GBF1: variants seen among roughly 807,000 people sequenced by gnomAD.
GBF1 encodes Golgi-specific brefeldin A-resistance guanine nucleotide exchange factor 1.
A neutral mutation model predicts 210.5 loss-of-function variants in GBF1; 114 were observed. The observed-to-expected ratio is 0.54, with a 90% CI of 0.47 to 0.63. The LOEUF (loss-of-function observed/expected upper bound fraction) is 0.63. Among genes scored for constraint, GBF1 ranks in the 30% least tolerant of loss-of-function variants. The probability of loss-of-function intolerance (pLI) is 0.00; values close to 1 mark genes in which losing one functional copy is unlikely to be tolerated. For missense variants in GBF1, 1,851 were observed against 2,357.7 expected (o/e 0.79, Z 4.45); for synonymous variants, 850 against 889.2 (o/e 0.96, Z 0.78).
chr10:102,267,287 T>G (rs1265306415), intron 3 of GBF1, among the ~76,000 whole-genome samples: 1 of 152,172 alleles, frequency 6.6e-6, no homozygotes, highest in Non-Finnish European at 1.5e-5. Context: ...GGTGGATGAC[T>G]TGAGGTCAGC....
chr10:102,266,481 C>T (rs1285777347), intron 3 of GBF1, among the ~76,000 whole-genome samples: 1 of 152,174 alleles, frequency 6.6e-6, no homozygotes, highest in African/African-American at 2.4e-5. Flanking sequence ...TTCCTGCCCT[C>T]ATAGCCACTG....
intron 3 of GBF1, among the ~76,000 whole-genome samples, chr10:102,296,922 A>G (rs181650389): frequency 3.3e-5 from 5 of 151,230 alleles, no homozygotes; most frequent in Admixed American, 1.3e-4. Context: ...GCGCGTGCCT[A>G]TAATTCCAGC....
intron 3 of GBF1, among the ~76,000 whole-genome samples, chr10:102,279,856 G>T (rs772893973): frequency 6.6e-6 from 1 of 152,144 alleles, no homozygotes; most frequent in Non-Finnish European, 1.5e-5. Flanking sequence ...AGTGGCTTAC[G>T]CCTGTAATGA....
In GBF1 at chr10:102,361,905, T is replaced by C. The variant is rs1245715969; in HGVS notation, c.1679T>C (p.Leu560Pro). The change falls in exon 14 of 40, where the codon CTG (leucine) becomes CCG (proline). Residue 560 changes from leucine (L) to proline (P), a missense_variant. Transcript: ENST00000369983. ...CTCTTTGAGGAACTCACAAAGCTGC[T>C]GTCCAAGGTGCTGAGCACTATAACT... Reference protein sequence around the residue: ...SNLFEELTKLLSKNAFPVSGQ... With the variant: ...SNLFEELTKLPSKNAFPVSGQ... 1.3e-6 allele frequency: 2 copies of C among 1,599,746 alleles called. No individual in the cohort carries two copies. The highest frequency in any genetic ancestry group is 2.2e-5 in the South Asian group (2 of 89,100).
At chr10:102,357,451 C>T (rs1397140522) in intron 8 of GBF1, among the ~76,000 whole-genome samples, 1 of 150,284 alleles carries the variant, frequency 6.7e-6, no homozygotes, top group Non-Finnish European at 1.5e-5. Context: ...CGTGCCACTG[C>T]ACTCCAGCCT....
intron 3 of GBF1, among the ~76,000 whole-genome samples, chr10:102,311,060 A>G (rs1387482115): frequency 6.6e-6 from 1 of 152,196 alleles, no homozygotes; most frequent in African/African-American, 2.4e-5. Flanking sequence ...ACAGTGATAT[A>G]ACACAAGTAC....
chr10:102,320,244 T>A (rs2056275221), intron 3 of GBF1, among the ~76,000 whole-genome samples: 1 of 152,182 alleles, frequency 6.6e-6, no homozygotes, highest in Non-Finnish European at 1.5e-5. Flanking sequence ...ATGGCTCTGC[T>A]TCTTTTTCTT....
chr10:102,324,232 C>G (rs1210285924), intron 3 of GBF1, among the ~76,000 whole-genome samples: 1 of 152,152 alleles, frequency 6.6e-6, no homozygotes, highest in African/African-American at 2.4e-5. Context: ...CGGGGCAGGG[C>G]TAGAGTCTTT....
intron 14 of GBF1, among the ~76,000 whole-genome samples, chr10:102,362,214 G>T (rs1228550643): frequency 6.6e-6 from 1 of 151,206 alleles, no homozygotes; most frequent in East Asian, 1.9e-4. Flanking sequence ...CCACCACCAC[G>T]CCCGGCTAAT....
In GBF1 at chr10:102,363,813, TC is replaced by T; in HGVS notation, c.2106+19del. The T allele has an allele frequency of 1.4e-6, 2 of 1,441,148 alleles. No individual in the cohort carries two copies. Among genetic ancestry groups the T allele is most frequent in the Non-Finnish European group, 2.0e-6 (2 of 1,023,010 alleles). 89.3% of individuals were successfully genotyped at this position (1,441,148 alleles called of 1,614,324 possible). On this transcript the variant is annotated intron_variant, in intron 17 of 39. Transcript: ENST00000369983. This position sits in a 1 kb window ranked among gnomAD's most constrained non-coding sequence, Gnocchi z 4.2. ...ACAAAAAGAAGGTACATACATGTAT[TC>T]CCCAGCCTCTGTCCACCTCTGTCTG... is the stretch of plus-strand genomic sequence containing the variant.
At chr10:102,381,321 A>G (rs866556316) in intron 39 of GBF1, 66 bp downstream of exon 39, 2 of 1,539,978 alleles carry the variant, frequency 1.3e-6, no homozygotes, top group African/African-American at 1.4e-5. Flanking sequence ...AGGAGGCCCA[A>G]GGGGGCGTGG....
At chr10:102,289,463 G>A (rs761543789) in intron 3 of GBF1, among the ~76,000 whole-genome samples, 1 of 152,156 alleles carries the variant, frequency 6.6e-6, no homozygotes, top group East Asian at 1.9e-4. Flanking sequence ...GGTGGCATGC[G>A]CCTGTAATCC....
At chr10:102,251,341 A>T (rs1300334107) in intron 1 of GBF1, among the ~76,000 whole-genome samples, 1 of 151,994 alleles carries the variant, frequency 6.6e-6, no homozygotes, top group African/African-American at 2.4e-5. Context: ...CATGAGGTGG[A>T]TGTGTGCTGT....
In GBF1 at chr10:102,367,110, A is replaced by G. The variant is rs752999109; in HGVS notation, c.2459A>G (p.Asn820Ser). 7 of 1,614,040 alleles carry G rather than the reference A, an allele frequency of 4.3e-6. No individual in the cohort carries two copies. Among genetic ancestry groups the G allele is most frequent in the African/African-American group, 1.3e-5 (1 of 74,912 alleles). The change falls in exon 20 of 40, where the codon AAT becomes AGT. Residue 820 changes from asparagine to serine, a missense_variant. Physicochemically the swap from Asn to Ser is conservative, Grantham distance 46. This residue lies in a region of GBF1 where 80 missense variants were observed against 151.4 expected (regional missense o/e 0.53). Coordinates refer to ENST00000369983, the MANE Select transcript of GBF1 (RefSeq NM_001377137.1). ...AATTGTAATGGCTCCCCATTTGCCA[A>G]TAGCGATGCCTGCTTTTCCCTGGCC... ...WMNCNGSPFA[N>S]SDACFSLAYA...
chr10:102,287,200 G>A (rs1450486914), intron 3 of GBF1, among the ~76,000 whole-genome samples: 1 of 151,834 alleles, frequency 6.6e-6, no homozygotes, highest in Admixed American at 6.6e-5. Flanking sequence ...ATGTTATTAT[G>A]TTATCGATTG....
At chr10:102,301,714 G>A (rs1411060368) in intron 3 of GBF1, among the ~76,000 whole-genome samples, 11 of 151,828 alleles carry the variant, frequency 7.2e-5, no homozygotes, top group Admixed American at 2.6e-4. Context: ...ATGGGCGGCT[G>A]GGCAGAGACG....
intron 4 of GBF1, among the ~76,000 whole-genome samples, chr10:102,348,552 G>A (rs543603553): frequency 6.6e-6 from 1 of 152,234 alleles, no homozygotes; most frequent in African/African-American, 2.4e-5. Flanking sequence ...TGGTGGCCTG[G>A]GTAGGGACTG....
Position 102,352,246 on chromosome 10 carries a change from A to G in GBF1, c.524-212A>G, listed in dbSNP as rs552233587. 1.3e-4 allele frequency among the ~76,000 whole-genome samples: 20 copies of G among 152,276 alleles called. No individual in the cohort carries two copies. In the South Asian group the frequency reaches 4.1e-3, roughly 32 times the overall value. On this transcript the variant is annotated intron_variant, in intron 6 of 39. Coordinates refer to ENST00000369983, the MANE Select transcript of GBF1 (RefSeq NM_001377137.1). ...TTGACACCAACCTGCAACCCCCTAG[A>G]ACACATCTATACCTCCCCTTTTTTC...
Position 102,382,603 on chromosome 10 carries a change from C to T in GBF1, c.*267C>T, listed in dbSNP as rs989605310. On this transcript the variant is annotated 3_prime_UTR_variant, in exon 40 of 40. Coordinates refer to ENST00000369983, the MANE Select transcript of GBF1 (RefSeq NM_001377137.1). ...TCATCTGCAGCCTCTGCCTCCAGCC[C>T]GGCAGCTCTGGGGAGGCATCCGTGT... The T allele has an allele frequency of 1.4e-5, 6 of 418,730 alleles. No individual in the cohort carries two copies. The highest frequency in any genetic ancestry group is 1.1e-4 in the South Asian group (2 of 17,560). The allele number at this position is 418,730 out of a possible 1,614,324, so 25.9% of individuals were successfully genotyped here. A position where few individuals can be genotyped will look rare whatever the true frequency, so the allele number is the denominator to read the frequency against.
Sources: allele counts gnomAD v4.1 joint callset (sites outside exome capture counted in the v4.1 genomes callset), GRCh38; gene constraint gnomAD v4.1.1; regional missense constraint gnomAD v4.1.1; non-coding constraint Gnocchi (gnomAD v3.1); transcripts MANE v1.5; gene names NCBI Gene and HGNC (gene_info 2026-07-23, HGNC 2026-07-21).